Variants in NRXN3 observed in about 807,000 individuals in gnomAD.
NRXN3 encodes the protein neurexin 3.
A neutral mutation model predicts 137.6 loss-of-function variants in NRXN3; 32 were observed. The observed-to-expected ratio is 0.23, with a 90% CI of 0.18 to 0.31. The LOEUF is 0.31. Among genes scored for constraint, NRXN3 ranks in the 10% least tolerant of loss-of-function variants. The probability of loss-of-function intolerance (pLI) is 1.00; values close to 1 mark genes in which losing one functional copy is unlikely to be tolerated. For missense variants in NRXN3, 1,574 were observed against 2,062.5 expected (o/e 0.76, Z 4.59); for synonymous variants, 798 against 784.5 (o/e 1.02, Z -0.29).
At chr14:78,986,987 C>T (rs1407117736) in intron 14 of NRXN3, among the ~76,000 whole-genome samples, 3 of 137,696 alleles carry the variant, frequency 2.2e-5, no homozygotes, top group African/African-American at 8.2e-5. Context: ...CGTGCCACTG[C>T]ACTCCAGTCT....
chr14:78,994,048 G>A (rs369591360), intron 15 of NRXN3, among the ~76,000 whole-genome samples: 16 of 151,588 alleles, frequency 1.1e-4, no homozygotes, highest in Non-Finnish European at 1.8e-4. Context: ...TAGAGACGGG[G>A]TTTCACCTTG....
At chr14:78,941,579 A>T (rs1487204298) in intron 10 of NRXN3, among the ~76,000 whole-genome samples, 1 of 152,138 alleles carries the variant, frequency 6.6e-6, no homozygotes, top group Non-Finnish European at 1.5e-5. Context: ...CCCATCACTC[A>T]CACATTCATC....
intron 15 of NRXN3, among the ~76,000 whole-genome samples, chr14:79,223,653 A>G (rs2070253556): frequency 1.3e-5 from 2 of 152,276 alleles, no homozygotes; most frequent in South Asian, 4.1e-4. Context: ...AATTGAGATC[A>G]TGGAAATAAA....
At chr14:78,336,897 A>G (rs982791913) in intron 4 of NRXN3, among the ~76,000 whole-genome samples, 4 of 152,166 alleles carry the variant, frequency 2.6e-5, no homozygotes, top group African/African-American at 9.7e-5. Context: ...AAGCCAGGTC[A>G]TTGAATCCTA....
chr14:79,793,302 C>T (rs896058927), intron 19 of NRXN3, among the ~76,000 whole-genome samples: 1 of 152,152 alleles, frequency 6.6e-6, no homozygotes, highest in African/African-American at 2.4e-5. Flanking sequence ...GGCGCCCCAG[C>T]TATTCGGGAG....
In NRXN3 at chr14:78,968,610, C is replaced by A. The variant is rs537747597; in HGVS notation, c.3142+264C>A. Among the ~76,000 whole-genome samples, 5 of 152,282 alleles carry A rather than the reference C, an allele frequency of 3.3e-5. No homozygotes were observed. In the South Asian group the frequency reaches 1.0e-3, roughly 32 times the overall value. On this transcript the variant is annotated intron_variant, in intron 14 of 20. Transcript: ENST00000335750. ...AAAATAAAATAAAATAAAAAACTTC[C>A]CTGGCATTGACATCAGGCTTCTTTC...
intron 4 of NRXN3, among the ~76,000 whole-genome samples, chr14:78,487,601 G>A (rs946345346): frequency 5.3e-5 from 8 of 151,906 alleles, no homozygotes; most frequent in Non-Finnish European, 8.8e-5. Context: ...AATTAGCCAG[G>A]TGTGGTGGCA....
intron 15 of NRXN3, among the ~76,000 whole-genome samples, chr14:79,038,182 TTA>T (rs1437012441): frequency 1.5e-4 from 23 of 152,178 alleles, no homozygotes; most frequent in African/African-American, 5.3e-4. Flanking sequence ...TACTTACAAT[TTA>T]TAGAGTATTT....
chr14:78,899,979 G>C (rs979263624), intron 10 of NRXN3, among the ~76,000 whole-genome samples: 1 of 151,764 alleles, frequency 6.6e-6, no homozygotes, highest in Non-Finnish European at 1.5e-5. Flanking sequence ...AAAAGCTATA[G>C]GAATCTGACC....
chr14:78,863,306 C>G (rs752028066), intron 10 of NRXN3, among the ~76,000 whole-genome samples: 3 of 152,126 alleles, frequency 2.0e-5, no homozygotes, highest in Non-Finnish European at 4.4e-5. Context: ...TAGGAGCCTA[C>G]GTTTAGAGGT....
rs918298856 is a variant in NRXN3, at chr14:78,881,646, G to A, written c.2275+71302G>A. ...AGCAAAGTGTTCAAGACGTGACTTGGGTGCTGTAAAAAGCATTCAATTTTA... is the reference window on the plus strand; with the variant it reads ...AGCAAAGTGTTCAAGACGTGACTTGAGTGCTGTAAAAAGCATTCAATTTTA... On this transcript the variant is annotated intron_variant, in intron 10 of 20. Coordinates refer to ENST00000335750, the MANE Select transcript of NRXN3 (RefSeq NM_001330195.2). Among the ~76,000 whole-genome samples the A allele has an allele frequency of 1.3e-5, 2 of 151,528 alleles. 1 individual carries two copies. The highest frequency in any genetic ancestry group is 4.9e-5 in the African/African-American group (2 of 40,866).
intron 20 of NRXN3, among the ~76,000 whole-genome samples, chr14:79,806,139 T>A (rs2099204134): frequency 6.6e-6 from 1 of 152,214 alleles, no homozygotes; most frequent in African/African-American, 2.4e-5. Flanking sequence ...AGGATCTTAT[T>A]TCTGTGAAGA....
rs185022330 is a variant in NRXN3 at position 79,194,145 on chromosome 14, T to G, written c.3262+206004T>G. Among the ~76,000 whole-genome samples, 344 of 152,322 alleles carry G rather than the reference T, an allele frequency of 2.3e-3. 2 individuals carry two copies. Among genetic ancestry groups the G allele is most frequent in the African/African-American group, 8.1e-3 (335 of 41,580 alleles). On this transcript the variant is annotated intron_variant, in intron 15 of 20. Transcript: ENST00000335750. ...AACTTTTAAGGAGAGGTTTCTAGGA[T>G]TCTTAGACAACTAAAACTTTCGTTT...
At chr14:79,072,883 TCTC>T (rs1472149354) in intron 15 of NRXN3, among the ~76,000 whole-genome samples, 42 of 113,536 alleles carry the variant, frequency 3.7e-4, no homozygotes, top group East Asian at 1.1e-3. Flanking sequence ...TCTCTCTCTC[TCTC>T]TTTTTTTTTT....
chr14:78,747,630 G>C (rs975849853), intron 8 of NRXN3, among the ~76,000 whole-genome samples: 14 of 152,068 alleles, frequency 9.2e-5, no homozygotes, highest in African/African-American at 3.4e-4. Context: ...TATTTTTTCT[G>C]ATGAGTTCTG....
chr14:79,049,505 C>T (rs185952343), intron 15 of NRXN3, among the ~76,000 whole-genome samples: 6 of 152,274 alleles, frequency 3.9e-5, no homozygotes, highest in African/African-American at 9.6e-5. Flanking sequence ...AAGCCATCTA[C>T]GGGGGTTGAC....
intron 15 of NRXN3, among the ~76,000 whole-genome samples, chr14:79,358,665 G>GAAAGAAAGAAAGAA (rs1555397673): frequency 8.0e-5 from 12 of 149,936 alleles, no homozygotes; most frequent in Non-Finnish European, 1.6e-4. Context: ...AAGAAAGAAA[G>GAAAGAAAGAAAGAA]AAAGTGTCCT....
chr14:78,886,121 T>TTTGG (rs1342075567), intron 10 of NRXN3, among the ~76,000 whole-genome samples: 1 of 152,162 alleles, frequency 6.6e-6, no homozygotes, highest in African/African-American at 2.4e-5. Flanking sequence ...GGAAATGTAG[T>TTTGG]CTGGCTGGCA....
At chr14:78,525,204 G>A (rs561133548) in intron 4 of NRXN3, among the ~76,000 whole-genome samples, 17 of 152,308 alleles carry the variant, frequency 1.1e-4, no homozygotes, top group South Asian at 1.0e-3. Flanking sequence ...TCTGGACAGA[G>A]TTTCCAGCTT....
Sources: gnomAD v4.1 joint callset for allele counts (sites outside exome capture counted in the v4.1 genomes callset) on GRCh38, gnomAD v4.1.1 for gene constraint, MANE v1.5 for transcripts, NCBI Gene and HGNC (gene_info 2026-07-23, HGNC 2026-07-21) for gene names.